Variants in SEPTIN4 observed in about 807,000 individuals in gnomAD.
SEPTIN4 encodes the protein septin-4.
Under a neutral mutation model 107.1 loss-of-function variants are expected in SEPTIN4, and 52 were observed. The ratio of observed to expected loss-of-function variants is 0.49; its 90% CI spans 0.39 to 0.61. SEPTIN4 has a LOEUF of 0.61. Ranked by LOEUF, SEPTIN4 falls within the 20% of genes least tolerant of loss-of-function variation. The pLI is 0.00. For missense variants in SEPTIN4, 1,048 were observed against 1,243.5 expected (o/e 0.84, Z 2.36); for synonymous variants, 417 against 467.0 (o/e 0.89, Z 1.38).
At position 58,521,187 on chromosome 17, in the gene SEPTIN4, A is replaced by ATGGTATAGGTAGGG; in HGVS notation, c.2669-28_2669-27insCCCTACCTATACCA. The ATGGTATAGGTAGGG allele has an allele frequency of 6.2e-7, 1 of 1,614,210 alleles. No homozygotes were observed. The highest frequency in any genetic ancestry group is 8.5e-7 in the Non-Finnish European group (1 of 1,180,018). On this transcript the variant is annotated intron_variant, in intron 11 of 13. Transcript: ENST00000672673. The surrounding 1 kb of genome is among the most constrained non-coding windows in gnomAD (Gnocchi z 6.4). ...TGCATAGCAAGGCTAGGGGTCAGCCAGAGGCATAGGTAGGGGAGAGCCACT... is the reference window on the plus strand; with the variant it reads ...TGCATAGCAAGGCTAGGGGTCAGCCATGGTATAGGTAGGGGAGGCATAGGTAGGGGAGAGCCACT...
intron 3 of SEPTIN4, chr17:58,539,087 C>T: frequency 6.8e-7 from 1 of 1,467,940 alleles, no homozygotes; most frequent in Non-Finnish European, 9.1e-7. Context: ...TAGAGAGCAC[C>T]TGGCCCATCT....
intron 12 of SEPTIN4, 39 bp from the exon 13 acceptor site, chr17:58,520,881 CAGCACCCGCTTAGATTGAGCCCAGGGCCT>C (rs757878737): frequency 1.8e-5 from 29 of 1,613,722 alleles, no homozygotes; most frequent in Non-Finnish European, 2.4e-5. Context: ...AGGAGGACCC[CAGCACCCGCTTAGATTGAGCCCAGGGCCT>C]ATAGAAGAAC....
intron 7 of SEPTIN4, 139 bp from the exon 8 acceptor site, chr17:58,522,240 T>C: frequency 3.5e-6 from 4 of 1,150,274 alleles, no homozygotes; most frequent in South Asian, 1.5e-5. Context: ...ACTAAATCTT[T>C]AGAGAAATTC....
Position 58,544,162 on chromosome 17 carries a change from C to A in SEPTIN4, c.25G>T (p.Ala9Ser), listed in dbSNP as rs1309818695. The A allele has an allele frequency of 6.2e-7, 1 of 1,612,622 alleles. No individual in the cohort carries two copies. The highest frequency in any genetic ancestry group is 1.7e-5 in the Admixed American group (1 of 59,956). The change falls in exon 1 of 14, where the codon GCC (alanine) becomes TCC (serine). Residue 9 changes from alanine to serine, a missense_variant. Ala to Ser is a moderately conservative substitution (Grantham distance 99). Transcript: ENST00000672673. ...CTCTGTGCTGAAACCGCTACCTTGG[C>A]CCCAGGTTTATTTGTCTTGACCATC... MVKTNKPGAKVAVSAQRGS... is the reference protein window; with the variant it reads MVKTNKPGSKVAVSAQRGS...
At chr17:58,524,245 G>A (rs2042586918) in intron 7 of SEPTIN4, among the ~76,000 whole-genome samples, 1 of 152,148 alleles carries the variant, frequency 6.6e-6, no homozygotes, top group African/African-American at 2.4e-5. Context: ...ATTAGCTGGA[G>A]GGGGGTCCCT....
chr17:58,526,217 T>C lies in SEPTIN4; in HGVS notation c.2005+3A>G, dbSNP rs781713289. 1 of 1,586,690 alleles carries C rather than the reference T, an allele frequency of 6.3e-7. No individual in the cohort carries two copies. The highest frequency in any genetic ancestry group is 8.6e-7 in the Non-Finnish European group (1 of 1,167,082). On this transcript the variant is annotated splice_donor_region_variant and intron_variant, in intron 5 of 13. Transcript: ENST00000672673. ...GCCCAACCCAGCCCTGCCCCTTTTT[T>C]ACCTGCCACCATGAGGGTAAAGTCA...
rs185979940 is a variant in SEPTIN4, at chr17:58,543,832, T to C, written c.355A>G (p.Arg119Gly). Reference sequence around the variant, plus strand: ...CTGGGTGGACTAACTTTCCATTGTCTGCTTGAAGCATGGGAAGCCAGTGTC... The same window carrying C: ...CTGGGTGGACTAACTTTCCATTGTCCGCTTGAAGCATGGGAAGCCAGTGTC... Reference protein sequence around the residue: ...TQTLASHASSRQWKVSPPREE... With the variant: ...TQTLASHASSGQWKVSPPREE... The change falls in exon 1 of 14, where the codon AGA becomes GGA. Residue 119 changes from arginine to glycine, a missense_variant. Physicochemically the swap from Arg to Gly is moderately radical, Grantham distance 125. Coordinates refer to ENST00000672673, the MANE Select transcript of SEPTIN4 (RefSeq NM_001368771.2). 1 of 1,614,230 alleles carries C rather than the reference T, an allele frequency of 6.2e-7. No individual in the cohort carries two copies. Among genetic ancestry groups the C allele is most frequent in the Admixed American group, 1.7e-5 (1 of 60,018 alleles).
chr17:58,522,697 G>A (rs1305824755), intron 7 of SEPTIN4, among the ~76,000 whole-genome samples: 1 of 150,322 alleles, frequency 6.7e-6, no homozygotes, highest in South Asian at 2.1e-4. Flanking sequence ...AAAAAGAATA[G>A]CAAGGTGGCT....
rs2042216323 is a variant in SEPTIN4, at chr17:58,521,073, T to TCCC, written c.2753_2755dup (p.Arg918_Glu919insGly). On this transcript the variant is annotated inframe_insertion, in exon 12 of 14. Coordinates refer to ENST00000672673, the MANE Select transcript of SEPTIN4 (RefSeq NM_001368771.2). The surrounding 1 kb of genome is among the most constrained non-coding windows in gnomAD (Gnocchi z 6.4). ...TGCCCGGTAGTTCTCATAATGTGTCTCCCGTGTCACATCCTTCAGGTCCTG... is the reference window on the plus strand; with the variant it reads ...TGCCCGGTAGTTCTCATAATGTGTCTCCCCCCGTGTCACATCCTTCAGGTCCTG... The TCCC allele has an allele frequency of 6.2e-7, 1 of 1,614,156 alleles. No individual in the cohort carries two copies. The highest frequency in any genetic ancestry group is 2.2e-5 in the East Asian group (1 of 44,878).
At position 58,542,664 on chromosome 17, in the gene SEPTIN4, C is replaced by T. The variant is rs757039448; in HGVS notation, c.1523G>A (p.Cys508Tyr). ...SEVPQTPKHT[C>Y]KQPIQRFTAF... ...AGTAAACCTTTGAATGGGTTGTTTG[C>T]AGGTGTGCTTGGGGGTCTGTGGCAC... Residue 508 changes from cysteine (C) to tyrosine (Y), a missense_variant, in exon 1 of 14, where the codon TGC (cysteine) becomes TAC (tyrosine). Physicochemically the swap from Cys to Tyr is radical, Grantham distance 194. Around this residue, in one of 2 missense-constraint regions of SEPTIN4, gnomAD observed 787 missense variants for 871.8 expected, o/e 0.90. Coordinates refer to ENST00000672673, the MANE Select transcript of SEPTIN4 (RefSeq NM_001368771.2). 6.2e-7 allele frequency: 1 copy of T among 1,613,800 alleles called. No homozygotes were observed. The highest frequency in any genetic ancestry group is 1.1e-5 in the South Asian group (1 of 91,022).
intron 13 of SEPTIN4, 115 bp downstream of exon 13, chr17:58,520,628 C>A: frequency 6.6e-7 from 1 of 1,508,190 alleles, no homozygotes; most frequent in Admixed American, 1.7e-5. Flanking sequence ...CACCTATTGA[C>A]CTATCCAGGA....
intron 3 of SEPTIN4, chr17:58,527,386 A>AGGC (rs904197966): frequency 8.2e-6 from 3 of 367,800 alleles, no homozygotes; most frequent in African/African-American, 6.3e-5. Flanking sequence ...GAGCAGACAG[A>AGGC]GGCATTAAAC....
intron 3 of SEPTIN4, chr17:58,529,334 AG>A: frequency 6.7e-7 from 1 of 1,490,810 alleles, no homozygotes; most frequent in Admixed American, 2.1e-5. Context: ...TGTCTCTGGC[AG>A]GGGCCAAAAA....
Position 58,543,291 on chromosome 17 carries a change from T to C in SEPTIN4, c.896A>G (p.Tyr299Cys), listed in dbSNP as rs1165271300. ...GGGCTTGGTTTCAGGATAGGCAGAA[T>C]ACTTATGAAGAGACTCAGGGTCTAC... Reference protein sequence around the residue: ...ARVDPESLHKYSAYPETKPSA... With the variant: ...ARVDPESLHKCSAYPETKPSA... Residue 299 changes from tyrosine to cysteine, a missense_variant, in exon 1 of 14, where the codon TAT (tyrosine) becomes TGT (cysteine). By Grantham distance (194) the Tyr-to-Cys change is radical. Transcript: ENST00000672673. 1.2e-6 allele frequency: 2 copies of C among 1,614,128 alleles called. No individual in the cohort carries two copies. Among genetic ancestry groups the C allele is most frequent in the Non-Finnish European group, 8.5e-7 (1 of 1,180,016 alleles).
At chr17:58,542,589 T>A (rs200432023) in intron 1 of SEPTIN4, 37 bp downstream of exon 1, 4 of 1,566,272 alleles carry the variant, frequency 2.6e-6, no homozygotes, top group Admixed American at 1.8e-5. Context: ...TCTCACTAAA[T>A]TGGGGCTGCA....
intron 3 of SEPTIN4, chr17:58,528,206 G>C (rs1179632606): frequency 5.9e-6 from 1 of 169,892 alleles, no homozygotes; most frequent in Non-Finnish European, 1.2e-5. Context: ...AGATAAGATA[G>C]CCACAGTCTT....
rs140389355 is a variant in SEPTIN4, at chr17:58,533,359, C to T, written c.1615-6381G>A. Among the ~76,000 whole-genome samples the T allele has an allele frequency of 4.6e-5, 7 of 152,298 alleles. No homozygotes were observed. In the East Asian group the frequency reaches 1.2e-3, roughly 25 times the overall value. On this transcript the variant is annotated intron_variant, in intron 3 of 13. Transcript: ENST00000672673. ...CTTCACCTGTCAGGGTCTCAATTTC[C>T]ATACCTGAAAATGAGGGGATTAAAC...
chr17:58,535,823 GC>G (rs1345691234), intron 3 of SEPTIN4, among the ~76,000 whole-genome samples: 20 of 152,272 alleles, frequency 1.3e-4, no homozygotes, highest in South Asian at 1.0e-3. Flanking sequence ...CCAGGCCTCT[GC>G]CCCCAGGAGA....
In SEPTIN4 at chr17:58,538,293, C is replaced by T. The variant is rs1484517705; in HGVS notation, c.1614+2373G>A. Among the ~76,000 whole-genome samples, 4 of 152,252 alleles carry T rather than the reference C, an allele frequency of 2.6e-5. No homozygotes were observed. The highest frequency in any genetic ancestry group is 5.9e-5 in the Non-Finnish European group (4 of 68,042). On this transcript the variant is annotated intron_variant, in intron 3 of 13. Coordinates refer to ENST00000672673, the MANE Select transcript of SEPTIN4 (RefSeq NM_001368771.2). This position sits in a 1 kb window ranked among gnomAD's most constrained non-coding sequence, Gnocchi z 4.7. Reference sequence around the variant, plus strand: ...CCTTCAGGGTCACATGACATGTCATCCAAAAGACACTGAGGTCTGCCTTAA... The same window carrying T: ...CCTTCAGGGTCACATGACATGTCATTCAAAAGACACTGAGGTCTGCCTTAA...
Sources: gnomAD v4.1 joint callset for allele counts (sites outside exome capture counted in the v4.1 genomes callset) on GRCh38, gnomAD v4.1.1 for gene constraint, gnomAD v4.1.1 regional missense constraint, Gnocchi (gnomAD v3.1) non-coding constraint, MANE v1.5 for transcripts, NCBI Gene and HGNC (gene_info 2026-07-23, HGNC 2026-07-21) for gene names.